Variants in DPY19L1 observed in about 807,000 individuals in gnomAD.
The protein encoded by DPY19L1 is dpy-19 like C-mannosyltransferase 1.
A neutral mutation model predicts 96.9 loss-of-function variants in DPY19L1; 35 were observed. The ratio of observed to expected loss-of-function variants is 0.36; its 90% CI spans 0.28 to 0.48. The LOEUF is 0.48. Among genes scored for constraint, DPY19L1 ranks in the 20% least tolerant of loss-of-function variants. The pLI is 0.99. For synonymous variants in DPY19L1, 205 were observed against 252.6 expected (o/e 0.81, Z 1.79); for missense variants, 521 against 777.9 (o/e 0.67, Z 3.93).
At chr7:34,955,493 A>G (rs1584215455) in intron 11 of DPY19L1, 126 bp from the exon 12 acceptor site, 3 of 1,221,638 alleles carry the variant, frequency 2.5e-6, no homozygotes, top group African/African-American at 1.5e-5. Context: ...TTGACTTTCC[A>G]CATACCATCC....
intron 19 of DPY19L1, 57 bp from the exon 20 acceptor site, chr7:34,939,432 C>G (rs1562798999): frequency 2.8e-6 from 4 of 1,447,682 alleles, no homozygotes; most frequent in Middle Eastern, 1.8e-4. Flanking sequence ...GAAGGTGTCT[C>G]CTTCAAGTGT....
intron 1 of DPY19L1, among the ~76,000 whole-genome samples, chr7:35,022,403 A>G (rs1189510340): frequency 6.6e-6 from 1 of 152,244 alleles, no homozygotes; most frequent in Non-Finnish European, 1.5e-5. Flanking sequence ...CTGGAAGCAC[A>G]GAAATTACCT....
intron 6 of DPY19L1, among the ~76,000 whole-genome samples, chr7:35,007,669 G>A (rs1785594241): frequency 6.6e-6 from 1 of 151,658 alleles, no homozygotes; most frequent in Non-Finnish European, 1.5e-5. Context: ...TTATTAGTGT[G>A]GTATATGATA....
At chr7:34,939,037 C>T in intron 20 of DPY19L1, 1 of 384,510 alleles carries the variant, frequency 2.6e-6, no homozygotes, top group Non-Finnish European at 4.6e-6. Context: ...TATAGTATGA[C>T]TTCGTTTATA....
At chr7:35,005,034 G>T (rs192707678) in intron 6 of DPY19L1, among the ~76,000 whole-genome samples, 2 of 152,226 alleles carry the variant, frequency 1.3e-5, no homozygotes, top group Admixed American at 1.3e-4. Context: ...TATTTTGGGG[G>T]CAACCTCAGA....
At chr7:34,957,908 A>C in intron 11 of DPY19L1, 76 bp downstream of exon 11, 3 of 929,128 alleles carry the variant, frequency 3.2e-6, no homozygotes, top group Non-Finnish European at 3.3e-6. Context: ...ACCCTGATGA[A>C]TCCTAAGCCA....
chr7:35,022,884 G>T (rs1035008685), intron 1 of DPY19L1, among the ~76,000 whole-genome samples: 6 of 152,160 alleles, frequency 3.9e-5, no homozygotes, highest in Non-Finnish European at 8.8e-5. Context: ...CTCGCAGTGG[G>T]GCACGGGTCC....
chr7:35,014,684 G>C (rs1785800419), intron 3 of DPY19L1, among the ~76,000 whole-genome samples: 1 of 152,128 alleles, frequency 6.6e-6, no homozygotes, highest in Admixed American at 6.5e-5. Context: ...ATGTTTCCTT[G>C]TGTACTGATT....
At chr7:35,021,969 C>T (rs1786005352) in intron 1 of DPY19L1, among the ~76,000 whole-genome samples, 1 of 152,098 alleles carries the variant, frequency 6.6e-6, no homozygotes, top group Non-Finnish European at 1.5e-5. Flanking sequence ...ATGTATGTCA[C>T]TTGAACATGA....
chr7:34,931,022 C>T lies in DPY19L1; in HGVS notation c.*551G>A, dbSNP rs1439329301. On this transcript the variant is annotated 3_prime_UTR_variant, in exon 22 of 22. Coordinates refer to ENST00000638088, the MANE Select transcript of DPY19L1 (RefSeq NM_001366673.1). Reference sequence around the variant, plus strand: ...GCTTCATTAACAAGAGAACAGAGAACAAAAAGCGCACAAGGAAGTAAAACA... The same window carrying T: ...GCTTCATTAACAAGAGAACAGAGAATAAAAAGCGCACAAGGAAGTAAAACA... The T allele has an allele frequency of 6.6e-6, 1 of 152,052 alleles. No homozygotes were observed. Among genetic ancestry groups the T allele is most frequent in the Admixed American group, 6.5e-5 (1 of 15,268 alleles). The allele number at this position is 152,052 out of a possible 1,614,324, so 9.4% of individuals were successfully genotyped here.
At position 35,029,964 on chromosome 7, in the gene DPY19L1, C is replaced by T. The variant is rs577811956; in HGVS notation, c.298+7133G>A. On this transcript the variant is annotated intron_variant, in intron 1 of 21. Coordinates refer to ENST00000638088, the MANE Select transcript of DPY19L1 (RefSeq NM_001366673.1). ...AATTACATTGGGCCATTCACCTGGC[C>T]CTATTTTAGTTTTCTCACCAAGAAA... Among the ~76,000 whole-genome samples the T allele has an allele frequency of 5.9e-5, 9 of 152,174 alleles. No homozygotes were observed. The East Asian group carries it at 1.5e-3, about 26-fold the overall frequency.
chr7:35,007,395 C>T (rs1165048388), intron 6 of DPY19L1, among the ~76,000 whole-genome samples: 1 of 152,142 alleles, frequency 6.6e-6, no homozygotes, highest in African/African-American at 2.4e-5. Context: ...AGCTAAAGCA[C>T]AAAGCAGTCA....
At chr7:35,029,445 G>A (rs1444711234) in intron 1 of DPY19L1, among the ~76,000 whole-genome samples, 3 of 151,982 alleles carry the variant, frequency 2.0e-5, no homozygotes, top group Non-Finnish European at 4.4e-5. Flanking sequence ...TACAACACAC[G>A]TCCAGGCCCC....
At chr7:34,980,156 ATCT>A (rs760736324) in intron 7 of DPY19L1, among the ~76,000 whole-genome samples, 3 of 152,074 alleles carry the variant, frequency 2.0e-5, no homozygotes, top group Non-Finnish European at 2.9e-5. Context: ...GCGGGGAAAA[ATCT>A]TCTTTTTAAC....
At chr7:34,990,067 T>TA in intron 6 of DPY19L1, 126 bp from the exon 7 acceptor site, 1 of 510,958 alleles carries the variant, frequency 2.0e-6, no homozygotes, top group Non-Finnish European at 3.3e-6. Flanking sequence ...AGAACTCTCC[T>TA]ATGCTTATTT....
chr7:34,987,802 C>G (rs760461939), intron 7 of DPY19L1, among the ~76,000 whole-genome samples: 1 of 151,932 alleles, frequency 6.6e-6, no homozygotes, highest in Non-Finnish European at 1.5e-5. Flanking sequence ...TTACCTAAAA[C>G]GAAAATATGT....
chr7:34,935,168 C>T (rs935549168), intron 21 of DPY19L1, among the ~76,000 whole-genome samples: 4 of 152,104 alleles, frequency 2.6e-5, no homozygotes, highest in Non-Finnish European at 4.4e-5. Context: ...CCCACGGTGG[C>T]AGAGAGTGAG....
intron 1 of DPY19L1, among the ~76,000 whole-genome samples, chr7:35,032,222 C>G (rs1786276749): frequency 6.6e-6 from 1 of 152,016 alleles, no homozygotes; most frequent in South Asian, 2.1e-4. Flanking sequence ...CTGTACTGTC[C>G]CCTTAGAGGA....
chr7:35,017,214 C>T (rs530929546), intron 3 of DPY19L1, among the ~76,000 whole-genome samples: 2 of 152,042 alleles, frequency 1.3e-5, no homozygotes, highest in African/African-American at 4.8e-5. Context: ...AGATAGTTGG[C>T]CGGGCACGGT....
Sources: allele counts gnomAD v4.1 joint callset (sites outside exome capture counted in the v4.1 genomes callset), GRCh38; gene constraint gnomAD v4.1.1; transcripts MANE v1.5; gene names NCBI Gene and HGNC (gene_info 2026-07-23, HGNC 2026-07-21).